Variants in TAFA2 observed in about 807,000 individuals in gnomAD.
TAFA2 encodes the protein chemokine-like protein TAFA-2.
Under a neutral mutation model 18.8 loss-of-function variants are expected in TAFA2, and 7 were observed. The ratio of observed to expected loss-of-function variants is 0.37; its 90% confidence interval spans 0.21 to 0.70. The LOEUF (loss-of-function observed/expected upper bound fraction) is 0.70, where lower values mean the gene tolerates loss of function less well. TAFA2 is among the 30% of genes least tolerant of loss of function. The probability of loss-of-function intolerance (pLI) is 0.53; values close to 1 mark genes in which losing one functional copy is unlikely to be tolerated. For synonymous variants in TAFA2, 60 were observed against 54.2 expected, an observed-to-expected ratio of 1.11 and a Z score of -0.47; for missense variants, 122 against 158.1, an observed-to-expected ratio of 0.77 and a Z score of 1.23.
intron 1 of TAFA2, among the ~76,000 whole-genome samples, chr12:62,188,459 C>T (rs2062600284): frequency 6.6e-6 from 1 of 152,138 alleles, no homozygotes; most frequent in African/African-American, 2.4e-5. Context: ...TTGTTTGGGA[C>T]ATGCATTAGA....
chr12:61,924,031 TAGAG>T (rs923578027), intron 1 of TAFA2, among the ~76,000 whole-genome samples: 1 of 147,156 alleles, frequency 6.8e-6, no homozygotes, highest in Non-Finnish European at 1.5e-5. Flanking sequence ...AAGACAAGAT[TAGAG>T]AGAAAAAAAA....
intron 4 of TAFA2, among the ~76,000 whole-genome samples, chr12:61,740,578 G>A (rs1868399937): frequency 6.6e-6 from 1 of 151,716 alleles, no homozygotes; most frequent in Non-Finnish European, 1.5e-5. Flanking sequence ...GGCTTAATAG[G>A]TACAATGTAC....
At chr12:61,755,620 T>C (rs1257721195) in intron 2 of TAFA2, among the ~76,000 whole-genome samples, 2 of 152,104 alleles carry the variant, frequency 1.3e-5, no homozygotes, top group Non-Finnish European at 2.9e-5. Flanking sequence ...GCCAGAGTCA[T>C]TCCTTTCAAT....
intron 1 of TAFA2, among the ~76,000 whole-genome samples, chr12:62,183,819 TTTAA>T (rs1459299403): frequency 5.9e-5 from 9 of 152,220 alleles, no homozygotes; most frequent in African/African-American, 2.2e-4. Flanking sequence ...AATGAATATG[TTTAA>T]TTATCATATA....
rs147981036 is a variant in TAFA2 at position 61,823,111 on chromosome 12, A to C, written c.106+44209T>G. Among the ~76,000 whole-genome samples, 886 of 152,298 alleles carry C rather than the reference A, an allele frequency of 5.8e-3. 9 individuals carry two copies. The highest frequency in any genetic ancestry group is 0.02 in the African/African-American group (826 of 41,558). On this transcript the variant is annotated intron_variant, in intron 2 of 4. Coordinates refer to ENST00000416284, the MANE Select transcript of TAFA2 (RefSeq NM_178539.5). ...ATCTCATTTAGAAACTTTTTAAAAG[A>C]ATCTTTTAGTTTTATTCTTCATACA...
intron 1 of TAFA2, among the ~76,000 whole-genome samples, chr12:62,212,825 T>C (rs1313216617): frequency 6.6e-6 from 1 of 152,178 alleles, no homozygotes; most frequent in Non-Finnish European, 1.5e-5. Flanking sequence ...GATTTCTTAA[T>C]GATTGCATTA....
At position 61,777,010 on chromosome 12, in the gene TAFA2, G is replaced by A. The variant is rs534741574; in HGVS notation, c.107-21986C>T. 2.6e-5 allele frequency among the ~76,000 whole-genome samples: 4 copies of A among 151,918 alleles called. No individual in the cohort carries two copies. The South Asian group carries it at 6.2e-4, about 24-fold the overall frequency. ...GTTAGTAAGTGGATACTGAGCAAGC[G>A]GCATTCCAGGAATTAATTTTCTTGA... On this transcript the variant is annotated intron_variant, in intron 2 of 4. Coordinates refer to ENST00000416284, the MANE Select transcript of TAFA2 (RefSeq NM_178539.5).
At chr12:61,771,035 G>A (rs937473155) in intron 2 of TAFA2, among the ~76,000 whole-genome samples, 23 of 151,112 alleles carry the variant, frequency 1.5e-4, no homozygotes, top group African/African-American at 5.6e-4. Flanking sequence ...TAAACTTAAG[G>A]TAAAGGAGTA....
chr12:61,788,604 C>T (rs578068017), intron 2 of TAFA2, among the ~76,000 whole-genome samples: 2 of 151,386 alleles, frequency 1.3e-5, no homozygotes, highest in South Asian at 2.1e-4. Flanking sequence ...AAAACATCAA[C>T]GGAATAAAGA....
At chr12:61,886,291 T>A (rs966740989) in intron 1 of TAFA2, among the ~76,000 whole-genome samples, 1 of 152,160 alleles carries the variant, frequency 6.6e-6, no homozygotes, top group African/African-American at 2.4e-5. Context: ...TTCTGGAAAT[T>A]GAGCTTCTAC....
At chr12:61,973,395 A>ATTTTTTTTTTT (rs33918768) in intron 1 of TAFA2, among the ~76,000 whole-genome samples, 1 of 135,554 alleles carries the variant, frequency 7.4e-6, no homozygotes, top group Non-Finnish European at 1.6e-5. Flanking sequence ...TATTATTTAG[A>ATTTTTTTTTTT]TTTTTTTTTT....
intron 1 of TAFA2, among the ~76,000 whole-genome samples, chr12:61,897,758 T>G (rs1254293945): frequency 6.6e-6 from 1 of 152,184 alleles, no homozygotes; most frequent in African/African-American, 2.4e-5. Context: ...CATAGCATAC[T>G]GCCCCTGGCC....
intron 1 of TAFA2, among the ~76,000 whole-genome samples, chr12:62,161,875 T>G (rs1451258524): frequency 1.3e-5 from 2 of 152,154 alleles, no homozygotes; most frequent in South Asian, 4.1e-4. Context: ...ATTTAGAAAT[T>G]TGATGATGTT....
chr12:61,753,941 T>C (rs576995725), intron 3 of TAFA2, among the ~76,000 whole-genome samples, 195 bp from the exon 4 acceptor site: 1 of 152,180 alleles, frequency 6.6e-6, no homozygotes, highest in South Asian at 2.1e-4. Context: ...CTTTAAAACA[T>C]TTTTTATTTT....
chr12:61,931,286 T>C (rs953940945), intron 1 of TAFA2, among the ~76,000 whole-genome samples: 2 of 152,204 alleles, frequency 1.3e-5, no homozygotes, highest in Non-Finnish European at 2.9e-5. Context: ...TCATGCTGTA[T>C]GCTTATATTA....
intron 1 of TAFA2, among the ~76,000 whole-genome samples, chr12:62,042,428 T>TGTGTGTGTGTGTGC (rs1411586257): frequency 1.3e-5 from 1 of 74,386 alleles, no homozygotes; most frequent in African/African-American, 4.6e-5. Context: ...TGTGTGTGTG[T>TGTGTGTGTGTGTGC]GCGCGTGTGT....
intron 1 of TAFA2, among the ~76,000 whole-genome samples, chr12:61,895,136 C>A (rs912658477): frequency 2.0e-5 from 3 of 152,182 alleles, no homozygotes; most frequent in African/African-American, 7.2e-5. Flanking sequence ...AATAAACATG[C>A]ATGGATAGAA....
intron 1 of TAFA2, among the ~76,000 whole-genome samples, chr12:62,161,564 G>A (rs1343500606): frequency 6.6e-6 from 1 of 152,148 alleles, no homozygotes; most frequent in African/African-American, 2.4e-5. Flanking sequence ...GAGGGCAGGA[G>A]GGGGTGATGC....
At chr12:62,102,067 G>C (rs923545547) in intron 1 of TAFA2, among the ~76,000 whole-genome samples, 16 of 152,178 alleles carry the variant, frequency 1.1e-4, no homozygotes, top group Non-Finnish European at 1.3e-4. Flanking sequence ...CTGAGGTGGA[G>C]AGCAGGTGGG....
Sources: gnomAD v4.1 joint callset for allele counts (sites outside exome capture counted in the v4.1 genomes callset) on GRCh38, gnomAD v4.1.1 for gene constraint, MANE v1.5 for transcripts, NCBI Gene and HGNC (gene_info 2026-07-23, HGNC 2026-07-21) for gene names.